PCNX2: variants seen among roughly 807,000 people sequenced by gnomAD.
PCNX2 encodes the protein pecanex 2, also known as pecanex-like protein 2.
A neutral mutation model predicts 223.8 loss-of-function variants in PCNX2; 168 were observed. The ratio of observed to expected loss-of-function variants is 0.75; its 90% CI spans 0.66 to 0.85. PCNX2 has a LOEUF of 0.85. Among genes scored for constraint, PCNX2 ranks in the 40% least tolerant of loss-of-function variants. The probability of loss-of-function intolerance (pLI) is 0.00; values close to 1 mark genes in which losing one functional copy is unlikely to be tolerated. For synonymous variants in PCNX2, 1,006 were observed against 1,052.6 expected (o/e 0.96, Z 0.86); for missense variants, 2,507 against 2,675.5 (o/e 0.94, Z 1.39).
chr1:233,235,987 A>G (rs968477641), intron 9 of PCNX2, among the ~76,000 whole-genome samples: 4 of 95,116 alleles, frequency 4.2e-5, no homozygotes, highest in African/African-American at 1.3e-4. Context: ...TATATATATA[A>G]TTATATTATT....
chr1:233,295,968 C>G (rs866818250), upstream of PCNX2, among the ~76,000 whole-genome samples: 13 of 143,266 alleles, frequency 9.1e-5, no homozygotes, highest in South Asian at 1.6e-3. The surrounding 1 kb of genome is among the most constrained non-coding windows in gnomAD (Gnocchi z 4.1). Flanking sequence ...CTCTCTCTCT[C>G]TTTCTTTCTC....
Position 232,986,158 on chromosome 1 carries a change from G to A in PCNX2, c.6174C>T (p.Thr2058=), listed in dbSNP as rs1344791171. The A allele has an allele frequency of 6.4e-7, 1 of 1,568,896 alleles. No homozygotes were observed. The highest frequency in any genetic ancestry group is 1.3e-5 in the African/African-American group (1 of 74,098). The part of the protein sequence containing the change: ...SAAEGGNTSD[T]QSSSSVNIVM... Reference sequence around the variant, plus strand: ...CGATGTTGACGCTGCTGGATGACTGGGTGTCACTGGTATTGCCCCCCTCCG... The same window carrying A: ...CGATGTTGACGCTGCTGGATGACTGAGTGTCACTGGTATTGCCCCCCTCCG... The change falls in exon 33 of 34, where the codon ACC becomes ACT. Residue 2058 remains threonine (T), a synonymous_variant. Transcript: ENST00000258229.
chr1:233,137,041 A>G (rs74971495), intron 20 of PCNX2, among the ~76,000 whole-genome samples: 5,065 of 152,314 alleles, frequency 0.033, 115 homozygotes, highest in African/African-American at 0.067. Context: ...CAATAGTAAC[A>G]GCTACCATTA....
At chr1:233,265,649 A>C (rs1470959153) in intron 1 of PCNX2, among the ~76,000 whole-genome samples, 1 of 152,214 alleles carries the variant, frequency 6.6e-6, no homozygotes, top group Non-Finnish European at 1.5e-5. Flanking sequence ...TAAACTTTTG[A>C]GTCATTAAAC....
At chr1:233,280,103 T>C (rs563705132) in intron 1 of PCNX2, among the ~76,000 whole-genome samples, 1 of 152,282 alleles carries the variant, frequency 6.6e-6, no homozygotes, top group South Asian at 2.1e-4. Context: ...AGCAGTCTAT[T>C]TTCTCATTCC....
intron 19 of PCNX2, among the ~76,000 whole-genome samples, chr1:233,156,331 A>G (rs1395734970): frequency 6.6e-6 from 1 of 152,252 alleles, no homozygotes; most frequent in Non-Finnish European, 1.5e-5. Flanking sequence ...GTATGCAGAA[A>G]GGAAAGTAAG....
chr1:233,319,119 T>A, the PCNX2 span, among the ~76,000 whole-genome samples: 1 of 152,158 alleles, frequency 6.6e-6, no homozygotes, highest in Non-Finnish European at 1.5e-5. Flanking sequence ...TGCTATCTCC[T>A]TATACTGGTT....
intron 21 of PCNX2, among the ~76,000 whole-genome samples, chr1:233,105,577 G>T (rs926720026): frequency 7.2e-5 from 11 of 152,142 alleles, no homozygotes; most frequent in Admixed American, 5.9e-4. Context: ...GGAACATGGG[G>T]TAATAGTTTA....
At chr1:233,121,622 C>T (rs1490647925) in intron 21 of PCNX2, among the ~76,000 whole-genome samples, 1 of 152,016 alleles carries the variant, frequency 6.6e-6, no homozygotes, top group Admixed American at 6.6e-5. Context: ...CAGATACTAA[C>T]GGGTGACTGT....
chr1:233,263,250 T>A lies in PCNX2; in HGVS notation c.154-87A>T, dbSNP rs377339461. The A allele has an allele frequency of 1.5e-5, 17 of 1,109,684 alleles. 1 individual carries two copies. The East Asian group carries it at 2.4e-4, about 15-fold the overall frequency. 68.7% of individuals were successfully genotyped at this position (1,109,684 alleles called of 1,614,324 possible). A position where few individuals can be genotyped will look rare whatever the true frequency, so the allele number is the denominator to read the frequency against. ...TCTGGAAGCATTTTTAGACTATCTA[T>A]TGAATATAAATTAGGCAAGATTTCA... On this transcript the variant is annotated intron_variant, in intron 1 of 33. Coordinates refer to ENST00000258229, the MANE Select transcript of PCNX2 (RefSeq NM_014801.4).
intron 15 of PCNX2, among the ~76,000 whole-genome samples, chr1:233,183,236 C>T (rs1679904952): frequency 6.6e-6 from 1 of 152,108 alleles, no homozygotes; most frequent in South Asian, 2.1e-4. Flanking sequence ...TATGTGTGCC[C>T]ATCCCCCATG....
chr1:233,218,124 A>G lies in PCNX2; in HGVS notation c.2565T>C (p.Leu855=). 6.4e-7 allele frequency: 1 copy of G among 1,552,772 alleles called. No homozygotes were observed. The highest frequency in any genetic ancestry group is 8.7e-7 in the Non-Finnish European group (1 of 1,147,498). The change falls in exon 11 of 34, where the codon CTT becomes CTC. Residue 855 remains leucine (L), a synonymous_variant. Coordinates refer to ENST00000258229, the MANE Select transcript of PCNX2 (RefSeq NM_014801.4). ...AGCCTTGGCTCAAGGTCAGAAATCC[A>G]AGGAGGGAAACCAGGACAATGAGTA... ...AILLIVLVSL[L]GFLTLSQGFC...
At chr1:233,292,743 G>GA (rs752800503) in intron 1 of PCNX2, among the ~76,000 whole-genome samples, 1,571 of 152,204 alleles carry the variant, frequency 0.01, 38 homozygotes, top group African/African-American at 0.036. Context: ...GGGGAAGAGG[G>GA]CCTTTTATTT....
chr1:233,158,255 C>T (rs952135785), intron 19 of PCNX2, among the ~76,000 whole-genome samples: 12 of 152,310 alleles, frequency 7.9e-5, no homozygotes, highest in African/African-American at 2.6e-4. Flanking sequence ...CTGCCACACA[C>T]TAAGGGAAGC....
intron 12 of PCNX2, among the ~76,000 whole-genome samples, chr1:233,210,786 C>T (rs1572084338): frequency 6.6e-6 from 1 of 152,280 alleles, no homozygotes; most frequent in East Asian, 1.9e-4. Context: ...GCCCCATCTG[C>T]TTTTAACCTT....
Position 233,074,121 on chromosome 1 carries a change from T to G in PCNX2, c.4076+15940A>C, listed in dbSNP as rs549795065. Reference sequence around the variant, plus strand: ...TTTGGAAAATTTCCAAATTTGCTCTTGCTATTAATTTTCTATTTTATTCTA... The same window carrying G: ...TTTGGAAAATTTCCAAATTTGCTCTGGCTATTAATTTTCTATTTTATTCTA... On this transcript the variant is annotated intron_variant, in intron 23 of 33. Transcript: ENST00000258229. Among the ~76,000 whole-genome samples, 5 of 152,330 alleles carry G rather than the reference T, an allele frequency of 3.3e-5. No individual in the cohort carries two copies. In the South Asian group the frequency reaches 1.0e-3, roughly 32 times the overall value.
intron 21 of PCNX2, among the ~76,000 whole-genome samples, chr1:233,113,196 G>C (rs1675213344): frequency 1.3e-5 from 2 of 152,186 alleles, no homozygotes; most frequent in Admixed American, 1.3e-4. Flanking sequence ...GGTTTTGCAA[G>C]AGGGATTCTG....
intron 32 of PCNX2, among the ~76,000 whole-genome samples, chr1:232,988,944 T>TG (rs898498759): frequency 2.0e-5 from 3 of 152,268 alleles, no homozygotes; most frequent in Non-Finnish European, 4.4e-5. Flanking sequence ...GTGGCTGGCC[T>TG]GGGGAGAGGA....
At chr1:233,104,681 A>G (rs970719266) in intron 21 of PCNX2, among the ~76,000 whole-genome samples, 6 of 152,160 alleles carry the variant, frequency 3.9e-5, no homozygotes, top group Non-Finnish European at 1.5e-5. Flanking sequence ...AGATATGTAT[A>G]TTAGAACCTT....
Sources: gnomAD v4.1 joint callset for allele counts (sites outside exome capture counted in the v4.1 genomes callset) on GRCh38, gnomAD v4.1.1 for gene constraint, Gnocchi (gnomAD v3.1) non-coding constraint, MANE v1.5 for transcripts, NCBI Gene and HGNC (gene_info 2026-07-23, HGNC 2026-07-21) for gene names.